BANP: variants seen among roughly 807,000 people sequenced by gnomAD.
BANP encodes protein BANP.
A neutral mutation model predicts 68.1 loss-of-function variants in BANP; 11 were observed. That is an observed-to-expected ratio of 0.16 (90% confidence interval 0.10 to 0.27). The LOEUF is 0.27. Ranked by LOEUF, BANP falls within the 10% of genes least tolerant of loss-of-function variation. The probability of loss-of-function intolerance (pLI) is 1.00; values close to 1 mark genes in which losing one functional copy is unlikely to be tolerated. For synonymous variants in BANP, 329 were observed against 303.2 expected (o/e 1.09, Z -0.88); for missense variants, 504 against 722.7 (o/e 0.70, Z 3.47).
intron 11 of BANP, among the ~76,000 whole-genome samples, chr16:88,055,570 A>G (rs887205322): frequency 7.2e-5 from 11 of 152,220 alleles, no homozygotes; most frequent in Non-Finnish European, 1.6e-4. Flanking sequence ...CCCAGCTGGG[A>G]AAAAGATTAG....
chr16:87,998,429 A>G (rs1039093703), intron 4 of BANP, among the ~76,000 whole-genome samples: 1 of 149,758 alleles, frequency 6.7e-6, no homozygotes, highest in Non-Finnish European at 1.5e-5. Flanking sequence ...TGTCTGTGCC[A>G]TCTGCGTGGG....
At chr16:88,038,481 C>T (rs1449320612) in intron 11 of BANP, among the ~76,000 whole-genome samples, 1 of 151,918 alleles carries the variant, frequency 6.6e-6, no homozygotes, top group Non-Finnish European at 1.5e-5. Flanking sequence ...CCCGCCACCC[C>T]ACCCCCTTCA....
At chr16:88,024,894 T>C (rs7197768) in intron 7 of BANP, among the ~76,000 whole-genome samples, 48,964 of 152,272 alleles carry the variant, frequency 0.32, 8,632 homozygotes, top group East Asian at 0.56. Context: ...CAAAGTTGAA[T>C]TTAAATGTGA....
At position 88,018,884 on chromosome 16, in the gene BANP, T is replaced by C. The variant is rs916387172; in HGVS notation, c.895+217T>C. ...CACGGCATGCCCGCACCAAAATACC[T>C]CATATACCCCATCATATATATACCT... On this transcript the variant is annotated intron_variant, in intron 7 of 13. Transcript: ENST00000682872. This position sits in a 1 kb window ranked among gnomAD's most constrained non-coding sequence, Gnocchi z 7.7. Among the ~76,000 whole-genome samples the C allele has an allele frequency of 1.3e-4, 20 of 152,052 alleles. No homozygotes were observed. Among genetic ancestry groups the C allele is most frequent in the Admixed American group, 1.3e-3 (20 of 15,272 alleles).
intron 6 of BANP, among the ~76,000 whole-genome samples, chr16:88,007,791 A>G (rs1473222868): frequency 6.6e-6 from 1 of 152,118 alleles, no homozygotes; most frequent in African/African-American, 2.4e-5. Context: ...TACCTCTAAT[A>G]CAAATTGCTA....
intron 13 of BANP, among the ~76,000 whole-genome samples, chr16:88,073,933 C>A (rs1040984251): frequency 6.6e-6 from 1 of 152,260 alleles, no homozygotes; most frequent in African/African-American, 2.4e-5. Flanking sequence ...ATCGTAACAG[C>A]CAAGGAAGAC....
intron 8 of BANP, among the ~76,000 whole-genome samples, chr16:88,030,240 A>G (rs1169922687): frequency 1.3e-5 from 2 of 152,260 alleles, no homozygotes; most frequent in Non-Finnish European, 2.9e-5. Context: ...GTGACCTATG[A>G]TCAGAAAATC....
chr16:87,959,610 T>G (rs1204971852), intron 1 of BANP, among the ~76,000 whole-genome samples: 1 of 152,172 alleles, frequency 6.6e-6, no homozygotes, highest in Non-Finnish European at 1.5e-5. Context: ...GCGGCCATGG[T>G]CTTCCTGCTG....
intron 6 of BANP, among the ~76,000 whole-genome samples, chr16:88,008,217 T>C (rs1183136618): frequency 2.0e-5 from 3 of 152,226 alleles, no homozygotes; most frequent in Non-Finnish European, 4.4e-5. Flanking sequence ...TGTTGATCCA[T>C]CATCAGTTGA....
Position 88,077,226 on chromosome 16 carries a change from G to A in BANP, c.*565G>A, listed in dbSNP as rs1019919177. The A allele has an allele frequency of 1.3e-5, 2 of 152,582 alleles. No individual in the cohort carries two copies. Among genetic ancestry groups the A allele is most frequent in the African/African-American group, 2.4e-5 (1 of 41,478 alleles). The allele number at this position is 152,582 out of a possible 1,614,324, so 9.5% of individuals were successfully genotyped here. On this transcript the variant is annotated 3_prime_UTR_variant, in exon 14 of 14. Transcript: ENST00000682872. Reference sequence around the variant, plus strand: ...GTTTGCAAAGCCAGCTCTCGGTTCCGATGGGGTATTGCTGACCTACTTTTC... The same window carrying A: ...GTTTGCAAAGCCAGCTCTCGGTTCCAATGGGGTATTGCTGACCTACTTTTC...
At chr16:88,046,424 G>A (rs115041289) in intron 11 of BANP, among the ~76,000 whole-genome samples, 372 of 152,348 alleles carry the variant, frequency 2.4e-3, no homozygotes, top group African/African-American at 8.6e-3. Context: ...AAACGGTTTG[G>A]TAAAGAAATA....
At chr16:88,073,699 TAGG>T (rs1175844300) in intron 13 of BANP, among the ~76,000 whole-genome samples, 13 of 152,282 alleles carry the variant, frequency 8.5e-5, no homozygotes, top group South Asian at 2.1e-4. Flanking sequence ...CCGTTCCAGA[TAGG>T]AGCGCTGCAG....
intron 1 of BANP, among the ~76,000 whole-genome samples, chr16:87,973,988 C>T (rs1043184181): frequency 1.2e-4 from 19 of 152,016 alleles, no homozygotes; most frequent in African/African-American, 4.1e-4. Context: ...TTTCCTTCTG[C>T]GATGGGGGTT....
chr16:88,044,442 G>A (rs541676602), intron 11 of BANP, among the ~76,000 whole-genome samples: 2 of 152,322 alleles, frequency 1.3e-5, no homozygotes, highest in African/African-American at 2.4e-5. Context: ...GTATTACTGC[G>A]TGCTGATTGC....
In BANP at chr16:88,018,415, TTC is replaced by T. The variant is rs753466901; in HGVS notation, c.656-11_656-10del. 17 of 1,606,446 alleles carry T rather than the reference TTC, an allele frequency of 1.1e-5. No homozygotes were observed. The East Asian group carries it at 3.8e-4, about 36-fold the overall frequency. ...AGCCTTGGCCATCTGAGGACCTGTCTTCTGTTTTTCAGAGGACTACCCCAATG... is the reference window on the plus strand; with the variant it reads ...AGCCTTGGCCATCTGAGGACCTGTCTTGTTTTTCAGAGGACTACCCCAATG... On this transcript the variant is annotated splice_polypyrimidine_tract_variant and intron_variant, in intron 6 of 13. Transcript: ENST00000682872. The surrounding 1 kb of genome is among the most constrained non-coding windows in gnomAD (Gnocchi z 7.7).
At chr16:88,037,007 A>G (rs1306230620) in intron 10 of BANP, among the ~76,000 whole-genome samples, 6 of 152,188 alleles carry the variant, frequency 3.9e-5, no homozygotes, top group Non-Finnish European at 7.3e-5. Flanking sequence ...TTTGCTTCTC[A>G]AGGCACAGAC....
intron 11 of BANP, among the ~76,000 whole-genome samples, chr16:88,043,763 C>G (rs376774654): frequency 6.6e-6 from 1 of 152,144 alleles, no homozygotes; most frequent in East Asian, 1.9e-4. Flanking sequence ...AGAGTACGTT[C>G]AGACAGACGG....
intron 1 of BANP, among the ~76,000 whole-genome samples, chr16:87,970,720 C>G (rs1182361085): frequency 2.0e-5 from 3 of 152,132 alleles, no homozygotes; most frequent in African/African-American, 7.2e-5. Flanking sequence ...GCAAGGCGTC[C>G]TCAGACAGAA....
rs1216780570 is a variant in BANP, at chr16:88,071,176, A to G, written c.1378-893A>G. 9.5e-6 allele frequency: 3 copies of G among 315,426 alleles called. No homozygotes were observed. Among genetic ancestry groups the G allele is most frequent in the African/African-American group, 6.6e-5 (3 of 45,548 alleles). 19.5% of individuals were successfully genotyped at this position (315,426 alleles called of 1,614,324 possible). A position where few individuals can be genotyped will look rare whatever the true frequency, so the allele number is the denominator to read the frequency against. ...GGGCCACCGGTGAGACTCTCAGTGC[A>G]CAGAGTGCGGTTCTGTGTGGAGGTG... On this transcript the variant is annotated intron_variant, in intron 12 of 13. Coordinates refer to ENST00000682872, the MANE Select transcript of BANP (RefSeq NM_001386991.1). This position sits in a 1 kb window ranked among gnomAD's most constrained non-coding sequence, Gnocchi z 6.5.
Sources: allele counts gnomAD v4.1 joint callset (sites outside exome capture counted in the v4.1 genomes callset), GRCh38; gene constraint gnomAD v4.1.1; non-coding constraint Gnocchi (gnomAD v3.1); transcripts MANE v1.5; gene names NCBI Gene and HGNC (gene_info 2026-07-23, HGNC 2026-07-21).